The following ARMH3 variants were observed in gnomAD, a reference collection of about 807,000 sequenced individuals.
ARMH3 encodes the protein armadillo-like helical domain-containing protein 3.
In ARMH3, 60 loss-of-function variants were observed where a neutral mutation model predicts 99.1. The ratio of observed to expected loss-of-function variants is 0.61; its 90% CI spans 0.49 to 0.75. The LOEUF (loss-of-function observed/expected upper bound fraction) is 0.75. Among genes scored for constraint, ARMH3 ranks in the 30% least tolerant of loss-of-function variants. The probability of loss-of-function intolerance (pLI) is 0.00; values close to 1 mark genes in which losing one functional copy is unlikely to be tolerated. For synonymous variants in ARMH3, 285 were observed against 292.8 expected, an observed-to-expected ratio of 0.97 and a Z score of 0.27; for missense variants, 679 against 843.1, an observed-to-expected ratio of 0.81 and a Z score of 2.41.
At chr10:101,892,846 G>C (rs1260382023) in intron 23 of ARMH3, among the ~76,000 whole-genome samples, 2 of 152,166 alleles carry the variant, frequency 1.3e-5, no homozygotes, top group Non-Finnish European at 2.9e-5. Flanking sequence ...TATTCAATAA[G>C]TGAATAAACC....
Position 101,995,499 on chromosome 10 carries a change from C to T in ARMH3, c.1151-144G>A, listed in dbSNP as rs1221724342. 9 of 679,064 alleles carry T rather than the reference C, an allele frequency of 1.3e-5. No homozygotes were observed. The African/African-American group carries it at 1.7e-4, about 12-fold the overall frequency. 42.1% of individuals were successfully genotyped at this position (679,064 alleles called of 1,614,324 possible). On this transcript the variant is annotated intron_variant, in intron 15 of 25. Transcript: ENST00000370033. ...TCCATAAATGAAAATCAAGGTACTACTATAGTAATTCTTGCTTCCCTCCTA... is the reference window on the plus strand; with the variant it reads ...TCCATAAATGAAAATCAAGGTACTATTATAGTAATTCTTGCTTCCCTCCTA...
intron 5 of ARMH3, among the ~76,000 whole-genome samples, chr10:102,028,868 CTTTA>C (rs2067059267): frequency 2.6e-5 from 4 of 152,058 alleles, no homozygotes; most frequent in Admixed American, 6.6e-5. Flanking sequence ...GGATTGTACA[CTTTA>C]TTTATTTTCT....
At chr10:101,935,578 T>C (rs983391486) in intron 23 of ARMH3, among the ~76,000 whole-genome samples, 5 of 152,196 alleles carry the variant, frequency 3.3e-5, no homozygotes, top group Admixed American at 3.3e-4. Context: ...AGTCATCAGA[T>C]GCACTGCATT....
chr10:101,898,462 A>C (rs1325210082), intron 23 of ARMH3, among the ~76,000 whole-genome samples: 1 of 152,216 alleles, frequency 6.6e-6, no homozygotes, highest in Non-Finnish European at 1.5e-5. Flanking sequence ...CATGGACAGA[A>C]GCATCTACGA....
At chr10:102,046,529 G>A (rs1002665568) in intron 1 of ARMH3, among the ~76,000 whole-genome samples, 2 of 152,112 alleles carry the variant, frequency 1.3e-5, no homozygotes, top group Non-Finnish European at 1.5e-5. Flanking sequence ...GCACATGCCT[G>A]TAATCTCAGC....
intron 4 of ARMH3, 80 bp downstream of exon 4, chr10:102,032,946 T>C (rs2067165768): frequency 6.7e-7 from 1 of 1,487,854 alleles, no homozygotes; most frequent in Non-Finnish European, 9.1e-7. Context: ...AGAGCAACTC[T>C]AGGTTCCTCA....
chr10:101,977,427 TA>T (rs934870844), intron 19 of ARMH3, among the ~76,000 whole-genome samples: 36 of 152,136 alleles, frequency 2.4e-4, no homozygotes, highest in South Asian at 6.2e-4. Flanking sequence ...AATAATTTAA[TA>T]AAAAAAAATT....
intron 24 of ARMH3, among the ~76,000 whole-genome samples, chr10:101,861,729 C>CAA (rs35593972): frequency 0.03 from 1,328 of 43,688 alleles, 60 homozygotes; most frequent in Middle Eastern, 0.11. Context: ...GACTCCGTCT[C>CAA]AAAAAAAAAA....
At chr10:102,043,800 A>G (rs1347589160) in intron 1 of ARMH3, among the ~76,000 whole-genome samples, 3 of 152,240 alleles carry the variant, frequency 2.0e-5, no homozygotes, top group African/African-American at 7.2e-5. Context: ...AAACTTACAA[A>G]TGGTTTCAAA....
chr10:101,931,936 T>C (rs1418766524), intron 23 of ARMH3, among the ~76,000 whole-genome samples: 1 of 152,162 alleles, frequency 6.6e-6, no homozygotes, highest in Non-Finnish European at 1.5e-5. Context: ...TAAAAACTTG[T>C]GCATCAAAGG....
At chr10:101,863,791 A>G (rs930357542) in intron 24 of ARMH3, among the ~76,000 whole-genome samples, 3 of 151,984 alleles carry the variant, frequency 2.0e-5, no homozygotes, top group Admixed American at 1.3e-4. Flanking sequence ...GGCCAGGCAC[A>G]GCGGCTCACA....
intron 23 of ARMH3, among the ~76,000 whole-genome samples, chr10:101,898,893 C>G (rs1589985644): frequency 6.6e-6 from 1 of 152,206 alleles, no homozygotes; most frequent in South Asian, 2.1e-4. Flanking sequence ...ATATTTACAC[C>G]TGGATGTCTT....
intron 23 of ARMH3, among the ~76,000 whole-genome samples, chr10:101,920,477 A>T (rs1446925714): frequency 6.6e-6 from 1 of 152,142 alleles, no homozygotes; most frequent in Non-Finnish European, 1.5e-5. Context: ...ACAGAGCTTA[A>T]ATGTTTTTCT....
chr10:101,936,803 G>C (rs994685881), intron 23 of ARMH3, among the ~76,000 whole-genome samples: 13 of 152,152 alleles, frequency 8.5e-5, no homozygotes, highest in African/African-American at 3.1e-4. Flanking sequence ...GATACATACA[G>C]ACAGAGGAAG....
intron 24 of ARMH3, among the ~76,000 whole-genome samples, chr10:101,853,881 G>A (rs1466464868): frequency 2.0e-5 from 3 of 152,316 alleles, no homozygotes; most frequent in South Asian, 2.1e-4. Context: ...TTGGGAGGTC[G>A]AGGCGGATGG....
intron 24 of ARMH3, among the ~76,000 whole-genome samples, chr10:101,857,121 T>G (rs2135292371): frequency 6.6e-6 from 1 of 152,294 alleles, no homozygotes; most frequent in East Asian, 1.9e-4. Context: ...TGTTCTGACC[T>G]TTCTGACCTC....
chr10:102,014,050 G>A, intron 8 of ARMH3, 26 bp from the exon 9 acceptor site: 3 of 1,582,310 alleles, frequency 1.9e-6, no homozygotes, highest in Non-Finnish European at 2.6e-6. Flanking sequence ...AGAGACTCCA[G>A]GTAAGTCTGA....
At chr10:101,990,487 T>C (rs1469359898) in intron 19 of ARMH3, 64 bp downstream of exon 19, 12 of 1,338,522 alleles carry the variant, frequency 9.0e-6, no homozygotes, top group Non-Finnish European at 1.1e-5. Context: ...GACCATGAAT[T>C]TTCTAACATT....
At chr10:102,046,780 G>A (rs1387766542) in intron 1 of ARMH3, among the ~76,000 whole-genome samples, 1 of 152,206 alleles carries the variant, frequency 6.6e-6, no homozygotes, top group Non-Finnish European at 1.5e-5. Context: ...AAAGGCAGAG[G>A]AATGAGCAGG....
Sources: allele counts gnomAD v4.1 joint callset (sites outside exome capture counted in the v4.1 genomes callset), GRCh38; gene constraint gnomAD v4.1.1; transcripts MANE v1.5; gene names NCBI Gene and HGNC (gene_info 2026-07-23, HGNC 2026-07-21).